The following PRCP variants were observed in gnomAD, a reference collection of about 807,000 sequenced individuals.
The protein encoded by PRCP is lysosomal Pro-X carboxypeptidase.
In PRCP, 46 loss-of-function variants were observed where a neutral mutation model predicts 54.2. That is an observed-to-expected ratio of 0.85 (90% CI 0.67 to 1.09). The LOEUF (loss-of-function observed/expected upper bound fraction) is 1.09, where lower values mean the gene tolerates loss of function less well. PRCP is among the 50% of genes least tolerant of loss of function. PRCP has a pLI of 0.00. For missense variants in PRCP, 613 were observed against 596.8 expected (o/e 1.03, Z -0.28); for synonymous variants, 240 against 212.2 (o/e 1.13, Z -1.14).
intron 1 of PRCP, among the ~76,000 whole-genome samples, chr11:82,863,456 G>A (rs781331586): frequency 3.9e-5 from 6 of 152,140 alleles, no homozygotes; most frequent in Non-Finnish European, 8.8e-5. Context: ...AGGGAGGAAA[G>A]ACTGACTGTG....
chr11:82,877,685 AG>A (rs1174555023), intron 1 of PRCP, among the ~76,000 whole-genome samples: 1 of 152,250 alleles, frequency 6.6e-6, no homozygotes, highest in Non-Finnish European at 1.5e-5. Context: ...CCTAGATTTC[AG>A]AAGATGCATG....
At chr11:82,871,773 C>T (rs1859488819) in intron 1 of PRCP, among the ~76,000 whole-genome samples, 1 of 152,200 alleles carries the variant, frequency 6.6e-6, no homozygotes, top group African/African-American at 2.4e-5. Context: ...TACTATTTCC[C>T]ATATAACACT....
At chr11:82,871,078 C>G (rs894387652) in intron 1 of PRCP, among the ~76,000 whole-genome samples, 2 of 151,698 alleles carry the variant, frequency 1.3e-5, no homozygotes, top group African/African-American at 4.8e-5. Context: ...GGCTGCATAT[C>G]ATCAAGGCCT....
chr11:82,837,019 A>G (rs1858545745), intron 8 of PRCP: 1 of 203,590 alleles, frequency 4.9e-6, no homozygotes, highest in Non-Finnish European at 1.0e-5. Flanking sequence ...GTAGTGCCTC[A>G]TAAAAGGGCT....
At chr11:82,850,161 T>C (rs575482956) in intron 4 of PRCP, 90 bp from the exon 5 acceptor site, 1 of 918,362 alleles carries the variant, frequency 1.1e-6, no homozygotes, top group African/African-American at 1.7e-5. Flanking sequence ...AGTTTTAAAG[T>C]TGAAACATAA....
chr11:82,838,523 A>C lies in PRCP; in HGVS notation c.1138T>G (p.Phe380Val), dbSNP rs1858584137. ...TTTAAGTTCCATGAGTGAGGTTCAA[A>C]CATGTCATCGACACCATTAGTACAA... is the stretch of plus-strand genomic sequence containing the variant. ...PFCTNGVDDMFEPHSWNLKEL... is the reference protein window; with the variant it reads ...PFCTNGVDDMVEPHSWNLKEL... Residue 380 changes from phenylalanine to valine, a missense_variant, in exon 8 of 9, where the codon TTT (phenylalanine) becomes GTT (valine). Physicochemically the swap from Phe to Val is conservative, Grantham distance 50. Coordinates refer to ENST00000313010, the MANE Select transcript of PRCP (RefSeq NM_005040.4). 4 of 1,614,088 alleles carry C rather than the reference A, an allele frequency of 2.5e-6. No homozygotes were observed. In the East Asian group the frequency reaches 8.9e-5, roughly 36 times the overall value.
intron 1 of PRCP, among the ~76,000 whole-genome samples, chr11:82,893,581 C>G (rs1860050570): frequency 6.6e-6 from 1 of 152,050 alleles, no homozygotes; most frequent in African/African-American, 2.4e-5. Flanking sequence ...TGCTTGAGGA[C>G]AAGAGTTCAA....
intron 8 of PRCP, chr11:82,826,458 T>C (rs1213688622): frequency 6.6e-6 from 1 of 152,220 alleles, no homozygotes. Flanking sequence ...TGTGGATGCA[T>C]GATTTCACTT....
chr11:82,829,566 A>G (rs1170703589), intron 8 of PRCP: 3 of 152,228 alleles, frequency 2.0e-5, no homozygotes, highest in African/African-American at 7.2e-5. Context: ...GACATTTTAT[A>G]GTCCCCTTCC....
chr11:82,859,897 T>C (rs894754148), intron 2 of PRCP, 80 bp downstream of exon 2: 33 of 1,372,386 alleles, frequency 2.4e-5, no homozygotes, highest in Middle Eastern at 4.1e-4. Context: ...TGTTTGGTCA[T>C]ACATATTGCA....
intron 1 of PRCP, among the ~76,000 whole-genome samples, chr11:82,890,527 C>G (rs560144215): frequency 1.1e-4 from 16 of 152,182 alleles, no homozygotes; most frequent in African/African-American, 3.9e-4. Context: ...CTCACTCTCT[C>G]GGCTCATTTC....
chr11:82,849,369 A>G, intron 5 of PRCP, 151 bp from the exon 6 acceptor site: 1 of 852,026 alleles, frequency 1.2e-6, no homozygotes, highest in East Asian at 2.7e-5. Context: ...GAATCCCATG[A>G]CAGACAAGTT....
At chr11:82,854,155 T>C (rs1371266335) in intron 2 of PRCP, among the ~76,000 whole-genome samples, 1 of 152,086 alleles carries the variant, frequency 6.6e-6, no homozygotes, top group Non-Finnish European at 1.5e-5. Flanking sequence ...TTATAGCCAG[T>C]GCAATCAGGC....
Position 82,851,019 on chromosome 11 carries a change from G to GA in PRCP, c.412-515dup, listed in dbSNP as rs545722505. 5.5e-4 allele frequency among the ~76,000 whole-genome samples: 82 copies of GA among 150,366 alleles called. No homozygotes were observed. The South Asian group carries it at 8.6e-3, about 16-fold the overall frequency. ...TTTTAAACAATTATAAAATTGGAAAGAAAAAAAAACTATTTTCAGGTATTG... is the reference window on the plus strand; with the variant it reads ...TTTTAAACAATTATAAAATTGGAAAGAAAAAAAAAACTATTTTCAGGTATTG... On this transcript the variant is annotated intron_variant, in intron 3 of 8. Transcript: ENST00000313010.
chr11:82,848,886 C>A (rs573152527), intron 6 of PRCP, among the ~76,000 whole-genome samples, 163 bp downstream of exon 6: 65 of 152,166 alleles, frequency 4.3e-4, no homozygotes, highest in African/African-American at 1.5e-3. Context: ...CATGTCCAAG[C>A]CCACATAATC....
At chr11:82,829,208 C>T (rs1179335285) in intron 8 of PRCP, 1 of 152,166 alleles carries the variant, frequency 6.6e-6, no homozygotes, top group Non-Finnish European at 1.5e-5. Flanking sequence ...TAATGTCATT[C>T]CTTTTCTCAA....
At chr11:82,876,971 T>C (rs1421623712) in intron 1 of PRCP, among the ~76,000 whole-genome samples, 3 of 152,314 alleles carry the variant, frequency 2.0e-5, no homozygotes, top group East Asian at 3.9e-4. Flanking sequence ...ACTTGTTGAA[T>C]GGCTTTGACA....
intron 1 of PRCP, among the ~76,000 whole-genome samples, chr11:82,871,565 G>A (rs950585387): frequency 2.0e-5 from 3 of 152,084 alleles, no homozygotes; most frequent in Non-Finnish European, 4.4e-5. Flanking sequence ...GATAGAGGCT[G>A]GTATCTGCTG....
rs567746544 is a variant in PRCP at position 82,850,547 on chromosome 11, T to C, written c.412-42A>G. ...AAGAACACGGGTATAAATGTGCACA[T>C]AACAGCAGCTTAGGAATAGCATGGA... On this transcript the variant is annotated intron_variant, in intron 3 of 8. Coordinates refer to ENST00000313010, the MANE Select transcript of PRCP (RefSeq NM_005040.4). 11 of 1,336,978 alleles carry C rather than the reference T, an allele frequency of 8.2e-6. No homozygotes were observed. In the South Asian group the frequency reaches 1.9e-4, roughly 23 times the overall value. 82.8% of individuals were successfully genotyped at this position (1,336,978 alleles called of 1,614,324 possible). A position where few individuals can be genotyped will look rare whatever the true frequency, so the allele number is the denominator to read the frequency against.
Sources: gnomAD v4.1 joint callset for allele counts (sites outside exome capture counted in the v4.1 genomes callset) on GRCh38, gnomAD v4.1.1 for gene constraint, MANE v1.5 for transcripts, NCBI Gene and HGNC (gene_info 2026-07-23, HGNC 2026-07-21) for gene names.